Variants in C6orf118 observed in about 807,000 individuals in gnomAD.
C6orf118 encodes chromosome 6 open reading frame 118.
Under a neutral mutation model 50.2 loss-of-function variants are expected in C6orf118, and 50 were observed. The observed-to-expected ratio is 1.00, with a 90% CI of 0.79 to 1.26. C6orf118 has a LOEUF of 1.26. C6orf118 is among the 50% of genes most tolerant of loss of function. The pLI is 0.00. For synonymous variants in C6orf118, 239 were observed against 230.9 expected (o/e 1.03, Z -0.32); for missense variants, 641 against 578.7 (o/e 1.11, Z -1.10).
At chr6:165,285,240 G>T (rs1369902978) in intron 7 of C6orf118, among the ~76,000 whole-genome samples, 1 of 151,990 alleles carries the variant, frequency 6.6e-6, no homozygotes, top group Non-Finnish European at 1.5e-5. Context: ...AATGGTAAAG[G>T]GTTCAATTGA....
At position 165,288,880 on chromosome 6, in the gene C6orf118, G is replaced by A. The variant is rs9457060; in HGVS notation, c.1302+1006C>T. On this transcript the variant is annotated intron_variant, in intron 7 of 8. Transcript: ENST00000230301. ...ATGATAGGTGCAGCAAATCACCATC[G>A]CATACATTTACCTGTGTAACAAACC... 6.8e-3 allele frequency among the ~76,000 whole-genome samples: 1,027 copies of A among 151,980 alleles called. 12 individuals are homozygous for A. The highest frequency in any genetic ancestry group is 0.024 in the African/African-American group (974 of 41,442).
chr6:165,295,268 G>A (rs551621058), intron 5 of C6orf118, among the ~76,000 whole-genome samples: 1 of 151,910 alleles, frequency 6.6e-6, no homozygotes, highest in South Asian at 2.1e-4. Context: ...TTTTTTCCTC[G>A]GTTTTTATCT....
At chr6:165,308,607 A>G (rs1780829086) in intron 1 of C6orf118, among the ~76,000 whole-genome samples, 1 of 152,124 alleles carries the variant, frequency 6.6e-6, no homozygotes, top group Non-Finnish European at 1.5e-5. Flanking sequence ...TTTGTATACA[A>G]AGAAGAGAAA....
rs142700788 is a variant in C6orf118, at chr6:165,292,985, G to A, written c.1120+428C>T. ...GTATGAGTGAGTGTTTAACAAACTTGGAGGGAAAATGGCATTTCATTTAAA... is the reference window on the plus strand; with the variant it reads ...GTATGAGTGAGTGTTTAACAAACTTAGAGGGAAAATGGCATTTCATTTAAA... On this transcript the variant is annotated intron_variant, in intron 6 of 8. Transcript: ENST00000230301. Among the ~76,000 whole-genome samples, 891 of 152,240 alleles carry A rather than the reference G, an allele frequency of 5.9e-3. 6 individuals are homozygous for A. Among genetic ancestry groups the A allele is most frequent in the African/African-American group, 0.02 (846 of 41,536 alleles).
intron 8 of C6orf118, among the ~76,000 whole-genome samples, chr6:165,281,000 A>C (rs1779709904): frequency 6.6e-6 from 1 of 152,164 alleles, no homozygotes; most frequent in Non-Finnish European, 1.5e-5. Flanking sequence ...TATAGTACCA[A>C]CTCAAAGAAA....
At chr6:165,289,558 A>G (rs903384473) in intron 7 of C6orf118, among the ~76,000 whole-genome samples, 1 of 152,058 alleles carries the variant, frequency 6.6e-6, no homozygotes, top group Non-Finnish European at 1.5e-5. Flanking sequence ...AGTAGGTAGT[A>G]TTTCATCCCT....
Position 165,301,605 on chromosome 6 carries a change from G to C in C6orf118, c.717C>G (p.Ser239Arg), listed in dbSNP as rs779757461. The C allele has an allele frequency of 2.5e-6, 4 of 1,613,880 alleles. No homozygotes were observed. The highest frequency in any genetic ancestry group is 1.1e-5 in the South Asian group (1 of 91,062). Reference sequence around the variant, plus strand: ...TTCTCTCGTGGCCCGCGGCCGCCTTGCTCCCAGTGAAGTCATTCTTCAGGA... The same window carrying C: ...TTCTCTCGTGGCCCGCGGCCGCCTTCCTCCCAGTGAAGTCATTCTTCAGGA... ...QDLLKNDFTG[S>R]KAAAGHERKL... is the part of the protein sequence containing the mutation. Residue 239 changes from serine (S) to arginine (R), a missense_variant, in exon 2 of 9, where the codon AGC (serine) becomes AGG (arginine). Coordinates refer to ENST00000230301, the MANE Select transcript of C6orf118 (RefSeq NM_144980.4).
chr6:165,307,598 A>C (rs941647006), intron 1 of C6orf118, among the ~76,000 whole-genome samples: 6 of 152,062 alleles, frequency 3.9e-5, no homozygotes, highest in African/African-American at 1.4e-4. Flanking sequence ...CCATGTTGTC[A>C]GATCTCTGGG....
Position 165,309,582 on chromosome 6 carries a change from G to T in C6orf118, c.5C>A (p.Ala2Glu). Reference protein sequence around the residue: MAEEREPELYLK... With the variant: MEEEREPELYLK... ...CTTACATTCAGGCTCCCGCTCCTCC[G>T]CCATCGCTTCCTTCCCTCCAGCTGC... The change falls in exon 1 of 9, where the codon GCG becomes GAG. Residue 2 changes from alanine to glutamate, a missense_variant. Transcript: ENST00000230301. The T allele has an allele frequency of 6.2e-7, 1 of 1,614,014 alleles. No homozygotes were observed. Among genetic ancestry groups the T allele is most frequent in the South Asian group, 1.1e-5 (1 of 91,066 alleles).
At position 165,289,907 on chromosome 6, in the gene C6orf118, C is replaced by G. The variant is rs1780045595; in HGVS notation, c.1281G>C (p.Glu427Asp). The change falls in exon 7 of 9, where the codon GAG becomes GAC. Residue 427 changes from glutamate to aspartate, a missense_variant. Glu to Asp is a conservative substitution (Grantham distance 45, BLOSUM62 2). Transcript: ENST00000230301. ...GTACCTCTATGCTTTTAATCCTATT[C>G]TCAGTGATATCTGAAATTCCAGTAT... is the stretch of plus-strand genomic sequence containing the variant. ...LVHTGISDIT[E>D]NRIKSIEHEA... The G allele has an allele frequency of 6.2e-7, 1 of 1,603,512 alleles. No homozygotes were observed. Among genetic ancestry groups the G allele is most frequent in the African/African-American group, 1.3e-5 (1 of 74,360 alleles).
At chr6:165,286,440 C>T (rs1369652889) in intron 7 of C6orf118, among the ~76,000 whole-genome samples, 1 of 152,150 alleles carries the variant, frequency 6.6e-6, no homozygotes. Flanking sequence ...AGGCCCGCAT[C>T]ATCCTGGTAC....
intron 7 of C6orf118, among the ~76,000 whole-genome samples, chr6:165,287,428 A>G (rs1345214592): frequency 6.6e-6 from 1 of 152,138 alleles, no homozygotes; most frequent in Non-Finnish European, 1.5e-5. Context: ...AGAAAAAAAA[A>G]CTATTTTAAA....
intron 6 of C6orf118, among the ~76,000 whole-genome samples, chr6:165,292,221 C>G (rs1780128750): frequency 6.6e-6 from 1 of 152,154 alleles, no homozygotes; most frequent in Non-Finnish European, 1.5e-5. Flanking sequence ...ACCCTCAAGA[C>G]ATAACTATAG....
In C6orf118 at chr6:165,301,806, G is replaced by C. The variant is rs1780552588; in HGVS notation, c.516C>G (p.Arg172=). 2 of 1,613,806 alleles carry C rather than the reference G, an allele frequency of 1.2e-6. No homozygotes were observed. The highest frequency in any genetic ancestry group is 1.7e-5 in the Admixed American group (1 of 59,994). Residue 172 remains arginine (R), a synonymous_variant, in exon 2 of 9, where the codon CGC becomes CGG. Transcript: ENST00000230301. Reference sequence around the variant, plus strand: ...CGGGCAGCCGGAGTTCTTCCCTCCTGCGCCATCCAGGAGGGCCCCGTCCAG... The same window carrying C: ...CGGGCAGCCGGAGTTCTTCCCTCCTCCGCCATCCAGGAGGGCCCCGTCCAG... ...GPPGRGPPGW[R]RREELRLPDL...
chr6:165,283,462 G>A (rs769311881), intron 7 of C6orf118, among the ~76,000 whole-genome samples: 1 of 152,208 alleles, frequency 6.6e-6, no homozygotes, highest in Admixed American at 6.5e-5. Flanking sequence ...CCCAAGCGCA[G>A]TGCACCTGCT....
chr6:165,302,440 AAAAGTC>A, intron 1 of C6orf118, 144 bp from the exon 2 acceptor site: 1 of 1,106,522 alleles, frequency 9.0e-7, no homozygotes, highest in East Asian at 2.4e-5. Context: ...CCCAGCCCTT[AAAAGTC>A]AAAGGCACCC....
chr6:165,293,656 TAATA>T (rs1472520488), intron 5 of C6orf118, among the ~76,000 whole-genome samples, 185 bp from the exon 6 acceptor site: 2 of 152,338 alleles, frequency 1.3e-5, no homozygotes, highest in African/African-American at 4.8e-5. Context: ...TTAAACAAAA[TAATA>T]CTGTCTTACC....
chr6:165,285,998 G>GA (rs901413076), intron 7 of C6orf118, among the ~76,000 whole-genome samples: 27 of 146,682 alleles, frequency 1.8e-4, no homozygotes, highest in South Asian at 6.4e-4. Flanking sequence ...TGGTTTTTTT[G>GA]AAAAAAAAAT....
rs1780379570 is a variant in C6orf118, at chr6:165,298,101, C to A, written c.937G>T (p.Ala313Ser). The change falls in exon 5 of 9, where the codon GCT (alanine) becomes TCT (serine). Residue 313 changes from alanine to serine, a missense_variant and splice_region_variant. Ala to Ser is a moderately conservative substitution (Grantham distance 99). Coordinates refer to ENST00000230301, the MANE Select transcript of C6orf118 (RefSeq NM_144980.4). The part of the protein sequence containing the change: ...LESQPAAQYE[A>S]LLAQLKALGQ... Reference sequence around the variant, plus strand: ...AGCGCCTTGAGTTGAGCCAGAAGAGCCTAGGCAGGACCAGGTACATGAGGT... The same window carrying A: ...AGCGCCTTGAGTTGAGCCAGAAGAGACTAGGCAGGACCAGGTACATGAGGT... 1 of 1,592,726 alleles carries A rather than the reference C, an allele frequency of 6.3e-7. No homozygotes were observed. The highest frequency in any genetic ancestry group is 1.7e-5 in the Admixed American group (1 of 57,314).
Sources: allele counts gnomAD v4.1 joint callset (sites outside exome capture counted in the v4.1 genomes callset), GRCh38; gene constraint gnomAD v4.1.1; transcripts MANE v1.5; gene names NCBI Gene and HGNC (gene_info 2026-07-23, HGNC 2026-07-21).